NAALADL2: variants seen among roughly 807,000 people sequenced by gnomAD.
NAALADL2 encodes inactive N-acetylated-alpha-linked acidic dipeptidase-like protein 2.
NAALADL2 carries 76 observed loss-of-function variants against 87.2 expected under a neutral mutation model. The observed-to-expected ratio is 0.87, with a 90% confidence interval of 0.72 to 1.05. NAALADL2 has a LOEUF of 1.05. NAALADL2 is among the 50% of genes least tolerant of loss of function. The probability of loss-of-function intolerance (pLI) is 0.00; values close to 1 mark genes in which losing one functional copy is unlikely to be tolerated. For synonymous variants in NAALADL2, 354 were observed against 331.0 expected, an observed-to-expected ratio of 1.07 and a Z score of -0.75; for missense variants, 1,089 against 945.8, an observed-to-expected ratio of 1.15 and a Z score of -1.99.
At chr3:174,806,799 A>G (rs1401967663) in intron 3 of NAALADL2, among the ~76,000 whole-genome samples, 1 of 152,144 alleles carries the variant, frequency 6.6e-6, no homozygotes, top group African/African-American at 2.4e-5. Flanking sequence ...ATATCTTCTC[A>G]CTGATTTGAC....
At position 174,791,106 on chromosome 3, in the gene NAALADL2, T is replaced by G. The variant is rs73881503; in HGVS notation, c.-9+53360T>G. On this transcript the variant is annotated intron_variant, in intron 3 of 3. Transcript: ENST00000434257. ...TGCACAAAGTAAAATACTTAACAAG[T>G]TTCTGAAGTATTACCTAATGTAGAC... Among the ~76,000 whole-genome samples, 1,502 of 152,266 alleles carry G rather than the reference T, an allele frequency of 9.9e-3. 32 individuals are homozygous for G. The highest frequency in any genetic ancestry group is 0.034 in the African/African-American group (1,428 of 41,558).
chr3:174,873,542 C>T (rs1728122877), intron 1 of NAALADL2, among the ~76,000 whole-genome samples: 1 of 151,968 alleles, frequency 6.6e-6, no homozygotes, highest in Non-Finnish European at 1.5e-5. Context: ...CATGAGCCAC[C>T]ACACCTGGCT....
chr3:174,605,548 C>T (rs112562425), intron 2 of NAALADL2, among the ~76,000 whole-genome samples: 23,258 of 148,382 alleles, frequency 0.16, 2,078 homozygotes, highest in African/African-American at 0.23. Flanking sequence ...CCTACGCCCA[C>T]GGAGTCTCTG....
intron 3 of NAALADL2, among the ~76,000 whole-genome samples, chr3:175,248,920 A>G (rs544403252): frequency 9.8e-5 from 15 of 152,292 alleles, no homozygotes; most frequent in African/African-American, 3.6e-4. Context: ...GCTGTCTGAC[A>G]TAAGGTGTGT....
At chr3:175,367,887 A>T (rs1458975843) in intron 5 of NAALADL2, among the ~76,000 whole-genome samples, 2 of 152,136 alleles carry the variant, frequency 1.3e-5, no homozygotes, top group African/African-American at 4.8e-5. Context: ...AACTTCCAAC[A>T]CTATGTTGAA....
chr3:175,361,947 C>T (rs1165436892), intron 5 of NAALADL2, among the ~76,000 whole-genome samples: 1 of 147,844 alleles, frequency 6.8e-6, no homozygotes, highest in Non-Finnish European at 1.5e-5. Flanking sequence ...TTGCCCATGC[C>T]TATGTCCTGA....
At chr3:174,774,989 A>C (rs1026155782) in intron 3 of NAALADL2, among the ~76,000 whole-genome samples, 1 of 152,106 alleles carries the variant, frequency 6.6e-6, no homozygotes, top group Non-Finnish European at 1.5e-5. Flanking sequence ...ACCCTTGGAA[A>C]TGACAACTGT....
rs58824117 is a variant in NAALADL2 at position 175,138,887 on chromosome 3, AATATATAT to A, written c.545+41627_545+41634del. ...CAGAAAAAAAATTTCAGCCTTTTAAAATATATATATATATATATATATATATATATATA... is the reference window on the plus strand; with the variant it reads ...CAGAAAAAAAATTTCAGCCTTTTAAAATATATATATATATATATATATATA... On this transcript the variant is annotated intron_variant, in intron 2 of 13. Coordinates refer to ENST00000454872, the MANE Select transcript of NAALADL2 (RefSeq NM_207015.3). 3.9e-3 allele frequency among the ~76,000 whole-genome samples: 368 copies of A among 95,430 alleles called. 3 individuals carry two copies. Among genetic ancestry groups the A allele is most frequent in the African/African-American group, 0.017 (309 of 18,346 alleles). 62.6% of individuals were successfully genotyped at this position (95,430 alleles called of 152,430 possible). A position where few individuals can be genotyped will look rare whatever the true frequency, so the allele number is the denominator to read the frequency against.
At chr3:175,067,573 G>A (rs60244111) in intron 1 of NAALADL2, among the ~76,000 whole-genome samples, 31,619 of 151,902 alleles carry the variant, frequency 0.21, 4,570 homozygotes, top group African/African-American at 0.4. Context: ...AATGGTTATT[G>A]TTAAAAAGAC....
At chr3:174,791,359 G>C (rs572076502) in intron 3 of NAALADL2, among the ~76,000 whole-genome samples, 1 of 152,104 alleles carries the variant, frequency 6.6e-6, no homozygotes, top group East Asian at 1.9e-4. Context: ...TTCATGAATG[G>C]GATTAGTGCT....
intron 3 of NAALADL2, among the ~76,000 whole-genome samples, chr3:174,738,870 C>T (rs1026682630): frequency 2.0e-5 from 3 of 151,910 alleles, no homozygotes; most frequent in African/African-American, 7.3e-5. Flanking sequence ...TACTTTTTGA[C>T]CATAAAATGC....
At chr3:175,232,221 A>AGAAAAGAG (rs1745063845) in intron 2 of NAALADL2, among the ~76,000 whole-genome samples, 1 of 148,638 alleles carries the variant, frequency 6.7e-6, no homozygotes. Context: ...GAAGAGAAGA[A>AGAAAAGAG]GAAGAAGAGG....
intron 11 of NAALADL2, among the ~76,000 whole-genome samples, chr3:175,697,674 TAA>T (rs1212094505): frequency 1.3e-5 from 2 of 150,996 alleles, no homozygotes; most frequent in Non-Finnish European, 3.0e-5. Context: ...GTCCCAAAGT[TAA>T]GTGTTCAACT....
In NAALADL2 at chr3:174,562,986, A is replaced by G. The variant is rs114710844; in HGVS notation, c.-115+12349A>G. Among the ~76,000 whole-genome samples, 980 of 152,258 alleles carry G rather than the reference A, an allele frequency of 6.4e-3. 11 individuals are homozygous for G. Among genetic ancestry groups the G allele is most frequent in the African/African-American group, 0.022 (918 of 41,584 alleles). ...AGTTATATTTCTGGATGACTCAGTA[A>G]TAAATACTTTAAGATGTAACAACAA... On this transcript the variant is annotated intron_variant, in intron 2 of 3. Transcript: ENST00000434257.
chr3:174,885,569 A>G (rs1238967610), intron 1 of NAALADL2, among the ~76,000 whole-genome samples: 1 of 152,174 alleles, frequency 6.6e-6, no homozygotes, highest in Admixed American at 6.5e-5. Context: ...GTTTATGCCA[A>G]GGAGTATCAG....
At chr3:175,767,925 C>T (rs1395739309) in intron 13 of NAALADL2, among the ~76,000 whole-genome samples, 1 of 152,160 alleles carries the variant, frequency 6.6e-6, no homozygotes, top group African/African-American at 2.4e-5. Context: ...CCTTCCAAAT[C>T]CTGCATGATG....
intron 11 of NAALADL2, among the ~76,000 whole-genome samples, chr3:175,669,887 A>C (rs1051044896): frequency 1.3e-5 from 2 of 152,020 alleles, no homozygotes; most frequent in African/African-American, 4.8e-5. Context: ...CTATTTCACT[A>C]TTACTATCCA....
At chr3:175,345,062 T>G (rs570418782) in intron 5 of NAALADL2, among the ~76,000 whole-genome samples, 66 of 152,252 alleles carry the variant, frequency 4.3e-4, no homozygotes, top group South Asian at 3.9e-3. Context: ...CCAAAGCCTA[T>G]GCTGTTATTC....
chr3:175,150,526 A>G (rs1377602620), intron 2 of NAALADL2, among the ~76,000 whole-genome samples: 1 of 152,152 alleles, frequency 6.6e-6, no homozygotes, highest in Non-Finnish European at 1.5e-5. Context: ...ACCCACAAAA[A>G]TAGTTGTTTG....
Sources: allele counts gnomAD v4.1 joint callset (sites outside exome capture counted in the v4.1 genomes callset), GRCh38; gene constraint gnomAD v4.1.1; transcripts MANE v1.5; gene names NCBI Gene and HGNC (gene_info 2026-07-23, HGNC 2026-07-21).